KLF13: variants seen among roughly 807,000 people sequenced by gnomAD.
KLF13 encodes Krueppel-like factor 13.
A neutral mutation model predicts 16.7 loss-of-function variants in KLF13; 8 were observed. The ratio of observed to expected loss-of-function variants is 0.48; its 90% CI spans 0.28 to 0.87. KLF13 has a LOEUF of 0.87. KLF13 is among the 40% of genes least tolerant of loss of function. The probability of loss-of-function intolerance (pLI) is 0.10; values close to 1 mark genes in which losing one functional copy is unlikely to be tolerated. For synonymous variants in KLF13, 245 were observed against 208.4 expected (o/e 1.18, Z -1.51); for missense variants, 447 against 452.2 (o/e 0.99, Z 0.10).
At chr15:31,339,432 C>T (rs1293955000) in intron 1 of KLF13, among the ~76,000 whole-genome samples, 1 of 152,158 alleles carries the variant, frequency 6.6e-6, no homozygotes, top group African/African-American at 2.4e-5. Flanking sequence ...ACAGAGGACC[C>T]CCCACTGCCG....
downstream of KLF13, among the ~76,000 whole-genome samples, chr15:31,378,764 G>A (rs987446106): frequency 1.3e-5 from 2 of 152,150 alleles, no homozygotes; most frequent in African/African-American, 4.8e-5. Flanking sequence ...TGTCGCCGAG[G>A]CTGGAGTGCA....
intron 1 of KLF13, among the ~76,000 whole-genome samples, chr15:31,348,126 C>T (rs930525817): frequency 3.3e-5 from 5 of 152,196 alleles, no homozygotes; most frequent in South Asian, 2.1e-4. Flanking sequence ...GTGGAAAACA[C>T]GCAGGCTTTG....
intron 1 of KLF13, among the ~76,000 whole-genome samples, chr15:31,419,173 A>C (rs551826117): frequency 2.2e-4 from 33 of 152,184 alleles, no homozygotes; most frequent in Non-Finnish European, 4.0e-4. Flanking sequence ...AGTGAAGATC[A>C]TTCCTTGTAT....
intron 1 of KLF13, among the ~76,000 whole-genome samples, chr15:31,358,806 C>CA (rs2039339252): frequency 6.6e-6 from 1 of 152,176 alleles, no homozygotes; most frequent in Non-Finnish European, 1.5e-5. Flanking sequence ...CACCAGCCAT[C>CA]AGGGCTGTGT....
intron 1 of KLF13, chr15:31,420,517 C>T: frequency 1.7e-6 from 1 of 587,942 alleles, no homozygotes; most frequent in Non-Finnish European, 3.2e-6. Flanking sequence ...GCATCAGGAC[C>T]ATTCTGGTCT....
chr15:31,371,496 C>T (rs76591360), intron 1 of KLF13, among the ~76,000 whole-genome samples: 3,296 of 152,362 alleles, frequency 0.022, 76 homozygotes, highest in East Asian at 0.13. Flanking sequence ...CCTACGCTGA[C>T]CCTCTCATGT....
At chr15:31,340,286 A>G (rs1550145) in intron 1 of KLF13, among the ~76,000 whole-genome samples, 1 of 152,252 alleles carries the variant, frequency 6.6e-6, no homozygotes, top group African/African-American at 2.4e-5. Context: ...GCAGTTGCCA[A>G]GGGAGCTCAG....
chr15:31,411,234 C>T (rs532777683), intron 1 of KLF13, among the ~76,000 whole-genome samples: 3 of 152,176 alleles, frequency 2.0e-5, no homozygotes, highest in African/African-American at 4.8e-5. Flanking sequence ...TATAAATTAA[C>T]ATATTGAATC....
chr15:31,358,946 A>G (rs2039341439), intron 1 of KLF13, among the ~76,000 whole-genome samples: 1 of 152,340 alleles, frequency 6.6e-6, no homozygotes, highest in African/African-American at 2.4e-5. Flanking sequence ...GGTCAGCTGG[A>G]CATGCGTCAC....
In KLF13 at chr15:31,386,591, G is replaced by C. The variant is rs544714480; in HGVS notation, n.224-48779G>C. Among the ~76,000 whole-genome samples, 11 of 152,360 alleles carry C rather than the reference G, an allele frequency of 7.2e-5. 1 individual carries two copies. In the South Asian group the frequency reaches 1.9e-3, roughly 26 times the overall value. On this transcript the variant is annotated intron_variant and non_coding_transcript_variant, in intron 1 of 1. Coordinates refer to the KLF13 transcript ENST00000558921. ...AGTGCTGCTATAGAAGCTGCAGCAAGTTATCCAGAAGATCTAGCCAAGATC... is the reference window on the plus strand; with the variant it reads ...AGTGCTGCTATAGAAGCTGCAGCAACTTATCCAGAAGATCTAGCCAAGATC...
At chr15:31,399,077 T>A (rs1299496407) in intron 2 of KLF13, among the ~76,000 whole-genome samples, 1 of 152,170 alleles carries the variant, frequency 6.6e-6, no homozygotes, top group Non-Finnish European at 1.5e-5. Context: ...CAGCACCAGA[T>A]GGAGAAGCAG....
At chr15:31,416,314 C>T (rs1359596771) in intron 1 of KLF13, among the ~76,000 whole-genome samples, 1 of 151,932 alleles carries the variant, frequency 6.6e-6, no homozygotes. Flanking sequence ...CCATTATTAT[C>T]CTTATACAAA....
At chr15:31,433,076 T>C (rs1310490856) in intron 1 of KLF13, among the ~76,000 whole-genome samples, 1 of 152,096 alleles carries the variant, frequency 6.6e-6, no homozygotes, top group African/African-American at 2.4e-5. Flanking sequence ...ACATAAATAA[T>C]CTTGAGCTTT....
chr15:31,328,133 C>T (rs1316009462), intron 1 of KLF13, among the ~76,000 whole-genome samples: 1 of 149,810 alleles, frequency 6.7e-6, no homozygotes, highest in East Asian at 2.0e-4. Flanking sequence ...GTGCGGGCGG[C>T]CTGGGTGTGG....
At chr15:31,355,769 C>T (rs1307884208) in intron 1 of KLF13, among the ~76,000 whole-genome samples, 1 of 151,974 alleles carries the variant, frequency 6.6e-6, no homozygotes, top group Admixed American at 6.6e-5. Flanking sequence ...TGTTTCTTTC[C>T]CTTAGACTCA....
At chr15:31,337,341 T>TG (rs541960636) in intron 1 of KLF13, among the ~76,000 whole-genome samples, 11 of 152,352 alleles carry the variant, frequency 7.2e-5, no homozygotes, top group African/African-American at 2.6e-4. Context: ...AAGGAGGCCT[T>TG]GGACAGCAGC....
rs2039605152 is a variant in KLF13 at position 31,374,155 on chromosome 15, A to T, written c.*1856A>T. On this transcript the variant is annotated 3_prime_UTR_variant, in exon 2 of 2. Transcript: ENST00000307145. ...TTGGCTGGCTCCAGAGTGGACAGGTACGCTCTGTCCACAGCAGCTGCTCAG... is the reference window on the plus strand; with the variant it reads ...TTGGCTGGCTCCAGAGTGGACAGGTTCGCTCTGTCCACAGCAGCTGCTCAG... 1 of 152,638 alleles carries T rather than the reference A, an allele frequency of 6.6e-6. No homozygotes were observed. Among genetic ancestry groups the T allele is most frequent in the Admixed American group, 6.5e-5 (1 of 15,286 alleles). 9.5% of individuals were successfully genotyped at this position (152,638 alleles called of 1,614,324 possible).
downstream of KLF13, among the ~76,000 whole-genome samples, chr15:31,405,146 G>A (rs2140996476): frequency 6.6e-6 from 1 of 152,292 alleles, no homozygotes. Context: ...TCATGAATGA[G>A]GTTAGTGCCT....
Position 31,353,295 on chromosome 15 carries a change from G to A in KLF13, c.578-18715G>A, listed in dbSNP as rs112953129. Reference sequence around the variant, plus strand: ...GGGCCTCCCCTGGAGAGGAAGTCACGCCCACGTTAAGTGCGTGGGAAACCT... The same window carrying A: ...GGGCCTCCCCTGGAGAGGAAGTCACACCCACGTTAAGTGCGTGGGAAACCT... On this transcript the variant is annotated intron_variant, in intron 1 of 1. Coordinates refer to ENST00000307145, the MANE Select transcript of KLF13 (RefSeq NM_015995.4). Among the ~76,000 whole-genome samples the A allele has an allele frequency of 2.1e-3, 316 of 152,290 alleles. 1 individual carries two copies. The highest frequency in any genetic ancestry group is 6.8e-3 in the African/African-American group (281 of 41,564).
Sources: allele counts gnomAD v4.1 joint callset (sites outside exome capture counted in the v4.1 genomes callset), GRCh38; gene constraint gnomAD v4.1.1; transcripts MANE v1.5; gene names NCBI Gene and HGNC (gene_info 2026-07-23, HGNC 2026-07-21).